CACNA1S: variants seen among roughly 807,000 people sequenced by gnomAD.
CACNA1S encodes voltage-dependent L-type calcium channel subunit alpha-1S.
In CACNA1S, 126 loss-of-function variants were observed where a neutral mutation model predicts 207.4. That is an observed-to-expected ratio of 0.61 (90% CI 0.53 to 0.70). The LOEUF (loss-of-function observed/expected upper bound fraction) is 0.70, where lower values mean the gene tolerates loss of function less well. Ranked by LOEUF, CACNA1S falls within the 30% of genes least tolerant of loss-of-function variation. The pLI, the probability that CACNA1S is intolerant of heterozygous loss-of-function variation, is 0.00. For synonymous variants in CACNA1S, 960 were observed against 932.7 expected, an observed-to-expected ratio of 1.03 and a Z score of -0.53; for missense variants, 2,349 against 2,422.8, an observed-to-expected ratio of 0.97 and a Z score of 0.64.
In CACNA1S at chr1:201,078,067, A is replaced by G. The variant is rs1661697293; in HGVS notation, c.1431T>C (p.Thr477=). 3 of 1,613,780 alleles carry G rather than the reference A, an allele frequency of 1.9e-6. No homozygotes were observed. Among genetic ancestry groups the G allele is most frequent in the Middle Eastern group, 1.6e-4 (1 of 6,084 alleles). Residue 477 remains threonine (T), a synonymous_variant, in exon 11 of 44, where the codon ACT becomes ACC. Coordinates refer to ENST00000362061, the MANE Select transcript of CACNA1S (RefSeq NM_000069.3). ...ANRVLLSLFT[T]EMLMKMYGLG... ...GCCCGTACATCTTCATCAGCATCTCAGTGGTGAAGAGGGACAGCAGCACCC... is the reference window on the plus strand; with the variant it reads ...GCCCGTACATCTTCATCAGCATCTCGGTGGTGAAGAGGGACAGCAGCACCC...
At chr1:201,078,168 G>C in intron 10 of CACNA1S, 64 bp from the exon 11 acceptor site, 1 of 1,346,268 alleles carries the variant, frequency 7.4e-7, no homozygotes, top group Non-Finnish European at 1.1e-6. Context: ...CCCAGCCTTG[G>C]CTGTGGCTGG....
At chr1:201,054,177 GCCTTGTGCC>G (rs1297247120) in intron 29 of CACNA1S, among the ~76,000 whole-genome samples, 1 of 152,198 alleles carries the variant, frequency 6.6e-6, no homozygotes, top group Non-Finnish European at 1.5e-5. Context: ...GTCCTCAAAG[GCCTTGTGCC>G]CAATGAACTG....
chr1:201,086,900 T>C (rs188550449), intron 7 of CACNA1S, among the ~76,000 whole-genome samples: 2 of 152,346 alleles, frequency 1.3e-5, no homozygotes, highest in Admixed American at 6.5e-5. Context: ...TGTGGTTTGT[T>C]GCCTATGTTC....
chr1:201,078,843 C>T (rs1166238186), intron 10 of CACNA1S, among the ~76,000 whole-genome samples: 1 of 152,108 alleles, frequency 6.6e-6, no homozygotes, highest in African/African-American at 2.4e-5. Context: ...AAAGTCTAGG[C>T]CGAGCGCAGT....
chr1:201,062,848 G>A (rs1661112241), intron 22 of CACNA1S, among the ~76,000 whole-genome samples: 1 of 152,220 alleles, frequency 6.6e-6, no homozygotes, highest in Non-Finnish European at 1.5e-5. Context: ...AGTGCAGCTT[G>A]GCCCCTGCCC....
In CACNA1S at chr1:201,085,466, C is replaced by T. The variant is rs758280510; in HGVS notation, c.1120G>A (p.Glu374Lys). Residue 374 changes from glutamate to lysine, a missense_variant, in exon 8 of 44, where the codon GAG becomes AAG. Coordinates refer to ENST00000362061, the MANE Select transcript of CACNA1S (RefSeq NM_000069.3). ...CTGAAGTCCTCAACATCCATGACCTCGCCCTGCGTGATCCAGCTCATGTAG... is the reference window on the plus strand; with the variant it reads ...CTGAAGTCCTCAACATCCATGACCTTGCCCTGCGTGATCCAGCTCATGTAG... Reference protein sequence around the residue: ...RGYMSWITQGEVMDVEDFREG... With the variant: ...RGYMSWITQGKVMDVEDFREG... 50 of 1,613,352 alleles carry T rather than the reference C, an allele frequency of 3.1e-5. No homozygotes were observed. Among genetic ancestry groups the T allele is most frequent in the Non-Finnish European group, 4.0e-5 (47 of 1,179,970 alleles).
At chr1:201,040,136 G>T (rs1660082751) in intron 43 of CACNA1S, 54 bp from the exon 44 acceptor site, 2 of 1,612,034 alleles carry the variant, frequency 1.2e-6, no homozygotes, top group South Asian at 1.1e-5. Flanking sequence ...CACATTTGGG[G>T]ACCTGCCTCT....
chr1:201,058,112 C>T (rs1345018511), intron 28 of CACNA1S, among the ~76,000 whole-genome samples: 1 of 152,204 alleles, frequency 6.6e-6, no homozygotes, highest in South Asian at 2.1e-4. Context: ...GCAGATGGCA[C>T]CACCTCCATG....
rs78310135 is a variant in CACNA1S, at chr1:201,047,058, G to A, written c.4668+57C>T. On this transcript the variant is annotated intron_variant, in intron 38 of 43. Transcript: ENST00000362061. ...TCAAGGACATGGAAGGATAACTAGA[G>A]TCTGGAGACCTGGCTCAGTGGGGGA... 384 of 1,610,812 alleles carry A rather than the reference G, an allele frequency of 2.4e-4. 1 individual carries two copies. In the African/African-American group the frequency reaches 4.5e-3, roughly 19 times the overall value.
At chr1:201,042,942 C>T in intron 40 of CACNA1S, 1 of 316,220 alleles carries the variant, frequency 3.2e-6, no homozygotes, top group South Asian at 3.1e-5. Context: ...TCTTATTGTC[C>T]ACAGTCTTTT....
intron 32 of CACNA1S, 133 bp from the exon 33 acceptor site, chr1:201,051,276 C>G (rs1236617945): frequency 1.2e-6 from 1 of 812,626 alleles, no homozygotes; most frequent in Non-Finnish European, 2.1e-6. Context: ...GAGGTCAGAT[C>G]TTCATGTTCA....
At chr1:201,105,377 C>A (rs1047409533) in intron 2 of CACNA1S, among the ~76,000 whole-genome samples, 2 of 152,144 alleles carry the variant, frequency 1.3e-5, no homozygotes, top group Non-Finnish European at 2.9e-5. Context: ...CATCCAGTTA[C>A]CTCTCTCAAG....
intron 1 of CACNA1S, among the ~76,000 whole-genome samples, chr1:201,111,415 A>G (rs1663099931): frequency 6.6e-6 from 1 of 151,918 alleles, no homozygotes; most frequent in African/African-American, 2.4e-5. Context: ...CCCTTCCCCA[A>G]ATAACCCAGA....
At position 201,089,299 on chromosome 1, in the gene CACNA1S, G is replaced by C. The variant is rs1351244149; in HGVS notation, c.859C>G (p.Gln287Glu). The part of the protein sequence containing the change: ...NFGFSMLTVY[Q>E]CITMEGWTDV... ...GTCCATCCCTCCATGGTAATGCACT[G>C]GTACACGGTGAGCATGGAGAAGCCG... The change falls in exon 6 of 44, where the codon CAG becomes GAG. Residue 287 changes from glutamine to glutamate, a missense_variant. By Grantham distance (29) the Gln-to-Glu change is conservative. Coordinates refer to ENST00000362061, the MANE Select transcript of CACNA1S (RefSeq NM_000069.3). The C allele has an allele frequency of 1.2e-6, 2 of 1,614,284 alleles. No individual in the cohort carries two copies. Among genetic ancestry groups the C allele is most frequent in the Non-Finnish European group, 1.7e-6 (2 of 1,180,054 alleles).
intron 28 of CACNA1S, among the ~76,000 whole-genome samples, 169 bp downstream of exon 28, chr1:201,058,239 C>T (rs1267725416): frequency 6.6e-6 from 1 of 152,236 alleles, no homozygotes; most frequent in Non-Finnish European, 1.5e-5. Flanking sequence ...TACCTCTCTG[C>T]CCAGCAGGAT....
chr1:201,082,029 ATTTT>A (rs754037624), intron 10 of CACNA1S, among the ~76,000 whole-genome samples: 2 of 126,754 alleles, frequency 1.6e-5, no homozygotes, highest in East Asian at 2.3e-4. Flanking sequence ...TCTCAGGTGC[ATTTT>A]TTTTTTTTTT....
At chr1:201,044,712 T>C (rs1660416086) in intron 38 of CACNA1S, among the ~76,000 whole-genome samples, 1 of 152,234 alleles carries the variant, frequency 6.6e-6, no homozygotes, top group African/African-American at 2.4e-5. Flanking sequence ...GGTTTCACCA[T>C]GTTGGCTAGG....
chr1:201,046,649 C>T (rs1660481204), intron 38 of CACNA1S, among the ~76,000 whole-genome samples: 1 of 151,972 alleles, frequency 6.6e-6, no homozygotes, highest in Admixed American at 6.6e-5. Flanking sequence ...TCAAGTGATT[C>T]TCACGCCTCA....
chr1:201,072,618 G>A (rs1661464829), intron 16 of CACNA1S, 137 bp downstream of exon 16: 1 of 746,656 alleles, frequency 1.3e-6, no homozygotes, highest in Non-Finnish European at 2.5e-6. Context: ...CAGAAGGGAT[G>A]TCTCCGGTGT....
Sources: gnomAD v4.1 joint callset for allele counts (sites outside exome capture counted in the v4.1 genomes callset) on GRCh38, gnomAD v4.1.1 for gene constraint, MANE v1.5 for transcripts, NCBI Gene and HGNC (gene_info 2026-07-23, HGNC 2026-07-21) for gene names.